The following DROSHA variants were observed in gnomAD, a reference collection of about 807,000 sequenced individuals.
The protein encoded by DROSHA is drosha ribonuclease III.
In DROSHA, 56 loss-of-function variants were observed where a neutral mutation model predicts 181.9. The observed-to-expected ratio is 0.31, with a 90% CI of 0.25 to 0.38. DROSHA has a LOEUF of 0.38. Among genes scored for constraint, DROSHA ranks in the 10% least tolerant of loss-of-function variants. DROSHA has a pLI of 1.00. For missense variants in DROSHA, 1,218 were observed against 1,743.5 expected, an observed-to-expected ratio of 0.70 and a Z score of 5.37; for synonymous variants, 524 against 591.2, an observed-to-expected ratio of 0.89 and a Z score of 1.65.
chr5:31,440,685 T>C (rs1745472452), intron 23 of DROSHA, among the ~76,000 whole-genome samples: 1 of 152,188 alleles, frequency 6.6e-6, no homozygotes, highest in African/African-American at 2.4e-5. Flanking sequence ...GTTCCAAAAT[T>C]TGAAACTCTT....
At chr5:31,434,015 T>C (rs888998268) in intron 25 of DROSHA, among the ~76,000 whole-genome samples, 2 of 152,230 alleles carry the variant, frequency 1.3e-5, no homozygotes, top group Non-Finnish European at 2.9e-5. Flanking sequence ...TACTGGTCTA[T>C]ACAGAAGAAA....
At chr5:31,408,329 A>G (rs2149986357) in intron 33 of DROSHA, among the ~76,000 whole-genome samples, 1 of 152,322 alleles carries the variant, frequency 6.6e-6, no homozygotes, top group African/African-American at 2.4e-5. Context: ...ATGTACCCAG[A>G]CAATACCTTG....
intron 2 of DROSHA, among the ~76,000 whole-genome samples, 185 bp from the exon 3 acceptor site, chr5:31,531,109 A>G (rs957605056): frequency 1.3e-5 from 2 of 152,192 alleles, no homozygotes; most frequent in Admixed American, 1.3e-4. Context: ...CTCAGAGATA[A>G]TAAGACACAC....
At chr5:31,481,750 T>G (rs1003885189) in intron 16 of DROSHA, among the ~76,000 whole-genome samples, 7 of 152,198 alleles carry the variant, frequency 4.6e-5, no homozygotes, top group African/African-American at 1.7e-4. Context: ...GAAAAAATCT[T>G]GAGAAAAATC....
intron 28 of DROSHA, among the ~76,000 whole-genome samples, chr5:31,423,547 T>C (rs1743042957): frequency 1.3e-5 from 2 of 152,176 alleles, no homozygotes. Flanking sequence ...ATTATACCAC[T>C]AGACAGGTGG....
chr5:31,508,071 T>C (rs1391719848), intron 10 of DROSHA, among the ~76,000 whole-genome samples: 1 of 152,236 alleles, frequency 6.6e-6, no homozygotes, highest in Non-Finnish European at 1.5e-5. Flanking sequence ...AATTTTTGTA[T>C]GTATTATATA....
intron 13 of DROSHA, 101 bp downstream of exon 13, chr5:31,493,106 G>A: frequency 2.5e-6 from 3 of 1,205,944 alleles, no homozygotes; most frequent in Non-Finnish European, 3.5e-6. Flanking sequence ...CAGAGGAAAT[G>A]TTTCTTAGGA....
intron 6 of DROSHA, among the ~76,000 whole-genome samples, chr5:31,518,118 T>C (rs559544267): frequency 1.4e-5 from 2 of 144,962 alleles, no homozygotes; most frequent in African/African-American, 5.0e-5. Context: ...GTATAGCCTG[T>C]TGCTACTAGG....
At chr5:31,451,901 T>G (rs958815277) in intron 20 of DROSHA, among the ~76,000 whole-genome samples, 4 of 152,214 alleles carry the variant, frequency 2.6e-5, no homozygotes, top group Admixed American at 6.5e-5. Flanking sequence ...GGGCAAGTTA[T>G]CTTACCTCTC....
At chr5:31,436,758 A>T (rs1375714701) in intron 24 of DROSHA, among the ~76,000 whole-genome samples, 1 of 101,062 alleles carries the variant, frequency 9.9e-6, no homozygotes. Context: ...ACACACACAC[A>T]CACACACACA....
In DROSHA at chr5:31,526,886, C is replaced by T. The variant is rs769152940; in HGVS notation, c.47G>A (p.Arg16Gln). The change falls in exon 5 of 36, where the codon CGA becomes CAA. Residue 16 changes from arginine (R) to glutamine (Q), a missense_variant. Physicochemically the swap from Arg to Gln is conservative, Grantham distance 43 (BLOSUM62 1). Transcript: ENST00000344624. ...TCCTCCTCGTCCTCGGGGACACCCT[C>T]GTCCCGGGTGGAACGACATTCTGTG... ...TCHRMSFHPG[R>Q]GCPRGRGGHG... 9 of 1,612,806 alleles carry T rather than the reference C, an allele frequency of 5.6e-6. No individual in the cohort carries two copies. The highest frequency in any genetic ancestry group is 1.7e-5 in the Admixed American group (1 of 59,962).
At chr5:31,408,121 A>G (rs1740869199) in intron 33 of DROSHA, among the ~76,000 whole-genome samples, 1 of 152,188 alleles carries the variant, frequency 6.6e-6, no homozygotes, top group Non-Finnish European at 1.5e-5. Context: ...TGACTGTTAA[A>G]TAAAAACATG....
At chr5:31,418,054 A>G (rs906981527) in intron 30 of DROSHA, among the ~76,000 whole-genome samples, 11 of 152,166 alleles carry the variant, frequency 7.2e-5, no homozygotes, top group Non-Finnish European at 4.4e-5. Context: ...TACATCCAGG[A>G]GACACCTGGG....
intron 25 of DROSHA, among the ~76,000 whole-genome samples, chr5:31,434,986 A>ATC (rs1744618691): frequency 6.6e-6 from 1 of 152,224 alleles, no homozygotes; most frequent in African/African-American, 2.4e-5. Flanking sequence ...AAAACTCATA[A>ATC]TCTCATTTAA....
At chr5:31,510,051 GA>G (rs4049955) in intron 9 of DROSHA, among the ~76,000 whole-genome samples, 46 of 112,706 alleles carry the variant, frequency 4.1e-4, no homozygotes, top group African/African-American at 1.2e-3. Flanking sequence ...ACCACAATTT[GA>G]AAAAAAAAAA....
chr5:31,413,306 T>C (rs1199986536), intron 30 of DROSHA, among the ~76,000 whole-genome samples: 2 of 151,992 alleles, frequency 1.3e-5, no homozygotes, highest in Non-Finnish European at 2.9e-5. Flanking sequence ...CAAAAATCAG[T>C]GGGGGAGAAG....
rs1740655550 is a variant in DROSHA, at chr5:31,526,881, A to G, written c.52T>C (p.Cys18Arg). The G allele has an allele frequency of 6.2e-7, 1 of 1,612,976 alleles. No individual in the cohort carries two copies. The highest frequency in any genetic ancestry group is 1.3e-5 in the African/African-American group (1 of 74,848). The change falls in exon 5 of 36, where the codon TGT becomes CGT. Residue 18 changes from cysteine to arginine, a missense_variant. This residue lies in a region of DROSHA where 536 missense variants were observed against 535.4 expected (regional missense o/e 1.00). Transcript: ENST00000344624. ...HRMSFHPGRG[C>R]PRGRGGHGAR... Reference sequence around the variant, plus strand: ...CCATGTCCTCCTCGTCCTCGGGGACACCCTCGTCCCGGGTGGAACGACATT... The same window carrying G: ...CCATGTCCTCCTCGTCCTCGGGGACGCCCTCGTCCCGGGTGGAACGACATT...
chr5:31,462,861 A>G (rs1428884887), intron 20 of DROSHA, among the ~76,000 whole-genome samples: 2 of 152,106 alleles, frequency 1.3e-5, no homozygotes, highest in African/African-American at 4.8e-5. Context: ...AAGTTAACCA[A>G]AAACACAAGT....
In DROSHA at chr5:31,526,133, G is replaced by C; in HGVS notation, c.800C>G (p.Ser267Cys). 6.2e-7 allele frequency: 1 copy of C among 1,613,446 alleles called. No homozygotes were observed. The highest frequency in any genetic ancestry group is 8.5e-7 in the Non-Finnish European group (1 of 1,179,512). Residue 267 changes from serine to cysteine, a missense_variant, in exon 5 of 36, where the codon TCT becomes TGT. This residue lies in a region of DROSHA where 536 missense variants were observed against 535.4 expected (regional missense o/e 1.00). Transcript: ENST00000344624. ...TGGTGTTCTCCCTCGGTCATAATCA[G>C]ATCTGTACCGGCTGTCTTGTCTTCT... is the stretch of plus-strand genomic sequence containing the variant. ...DRRRQDSRYRSDYDRGRTPSR... is the reference protein window; with the variant it reads ...DRRRQDSRYRCDYDRGRTPSR...
Sources: allele counts gnomAD v4.1 joint callset (sites outside exome capture counted in the v4.1 genomes callset), GRCh38; gene constraint gnomAD v4.1.1; regional missense constraint gnomAD v4.1.1; transcripts MANE v1.5; gene names NCBI Gene and HGNC (gene_info 2026-07-23, HGNC 2026-07-21).